CHCHD6: variants seen among roughly 807,000 people sequenced by gnomAD.
The protein encoded by CHCHD6 is MICOS complex subunit MIC25.
CHCHD6 carries 28 observed loss-of-function variants against 32.3 expected under a neutral mutation model. That is an observed-to-expected ratio of 0.87 (90% confidence interval 0.64 to 1.19). The LOEUF (loss-of-function observed/expected upper bound fraction) is 1.19. Ranked by LOEUF, CHCHD6 falls within the 50% of genes most tolerant of loss-of-function variation. The pLI, the probability that CHCHD6 is intolerant of heterozygous loss-of-function variation, is 0.00. For missense variants in CHCHD6, 333 were observed against 307.0 expected (o/e 1.08, Z -0.63); for synonymous variants, 122 against 117.5 (o/e 1.04, Z -0.25).
chr3:126,955,736 T>C (rs939034997), intron 6 of CHCHD6, among the ~76,000 whole-genome samples: 1 of 152,156 alleles, frequency 6.6e-6, no homozygotes, highest in African/African-American at 2.4e-5. Context: ...TTAGCGATGG[T>C]GTTAGGCATG....
Position 126,926,525 on chromosome 3 carries a change from G to A in CHCHD6, c.566+11775G>A, listed in dbSNP as rs533029943. ...AGCCAAGGTGAAGTGGACCAGGGCA[G>A]GCTGTGCAGCCAGGGGTCATTGTGA... On this transcript the variant is annotated intron_variant, in intron 6 of 7. Coordinates refer to ENST00000290913, the MANE Select transcript of CHCHD6 (RefSeq NM_032343.3). 8.7e-4 allele frequency among the ~76,000 whole-genome samples: 132 copies of A among 152,268 alleles called. 1 individual carries two copies. Among genetic ancestry groups the A allele is most frequent in the African/African-American group, 3.2e-3 (132 of 41,556 alleles).
At chr3:126,881,374 T>C (rs1273460184) in intron 5 of CHCHD6, among the ~76,000 whole-genome samples, 1 of 152,232 alleles carries the variant, frequency 6.6e-6, no homozygotes, top group Non-Finnish European at 1.5e-5. Context: ...GTTTCCTTTG[T>C]TTGCCTTTCC....
At chr3:126,766,666 A>C in intron 4 of CHCHD6, 3 of 1,052,772 alleles carry the variant, frequency 2.8e-6, no homozygotes, top group Non-Finnish European at 4.4e-6. Context: ...CTCGGTGGCC[A>C]CAATGATGCT....
intron 4 of CHCHD6, among the ~76,000 whole-genome samples, chr3:126,824,903 T>C (rs73203608): frequency 0.12 from 18,619 of 152,114 alleles, 1,295 homozygotes; most frequent in South Asian, 0.28. Context: ...TTCTTAATTG[T>C]ACACTTATTT....
rs980532084 is a variant in CHCHD6, at chr3:126,805,782, C to T, written c.412-46865C>T. On this transcript the variant is annotated intron_variant, in intron 4 of 7. Transcript: ENST00000290913. The stretch of plus-strand genomic sequence containing the variant: ...CAAAAGAACAAAGTTGGAGGCATCA[C>T]GCTACCTGACTTCAAACTATACTAC... 4.8e-3 allele frequency among the ~76,000 whole-genome samples: 723 copies of T among 151,272 alleles called. 1 individual carries two copies. The highest frequency in any genetic ancestry group is 6.1e-3 in the Non-Finnish European group (414 of 67,758).
At chr3:126,715,544 G>A (rs1455612269) in intron 1 of CHCHD6, among the ~76,000 whole-genome samples, 1 of 152,092 alleles carries the variant, frequency 6.6e-6, no homozygotes, top group Non-Finnish European at 1.5e-5. Flanking sequence ...TGTATGCCTG[G>A]GATTCCCTAA....
At chr3:126,783,368 G>A (rs1938044485) in intron 4 of CHCHD6, among the ~76,000 whole-genome samples, 1 of 152,242 alleles carries the variant, frequency 6.6e-6, no homozygotes, top group South Asian at 2.1e-4. Flanking sequence ...GTGAAAGACT[G>A]AAAGCTTTTT....
chr3:126,839,061 A>G (rs1366723026), intron 4 of CHCHD6, among the ~76,000 whole-genome samples: 2 of 151,328 alleles, frequency 1.3e-5, no homozygotes, highest in Non-Finnish European at 2.9e-5. Flanking sequence ...GCTAATTTTT[A>G]TTTTTAATAG....
rs569509378 is a variant in CHCHD6, at chr3:126,909,669, G to C, written c.496-5011G>C. Among the ~76,000 whole-genome samples the C allele has an allele frequency of 5.3e-5, 8 of 152,296 alleles. No homozygotes were observed. The East Asian group carries it at 1.4e-3, about 26-fold the overall frequency. ...TGCATGTGGGGCAGCTGGAGGAGGA[G>C]GAGGGGCAGCTGTCTACAGGGCAGA... On this transcript the variant is annotated intron_variant, in intron 5 of 7. Coordinates refer to ENST00000290913, the MANE Select transcript of CHCHD6 (RefSeq NM_032343.3).
intron 5 of CHCHD6, among the ~76,000 whole-genome samples, chr3:126,873,234 G>T (rs1186547685): frequency 6.6e-6 from 1 of 152,210 alleles, no homozygotes; most frequent in African/African-American, 2.4e-5. Context: ...AAGACCGCAG[G>T]CCTATTTGCT....
At chr3:126,779,182 C>A (rs1008569962) in intron 4 of CHCHD6, among the ~76,000 whole-genome samples, 3 of 152,008 alleles carry the variant, frequency 2.0e-5, no homozygotes, top group African/African-American at 7.2e-5. Context: ...TTATTGTCAC[C>A]TCTAGTAAGA....
At chr3:126,884,924 T>C (rs1363633184) in intron 5 of CHCHD6, among the ~76,000 whole-genome samples, 1 of 152,230 alleles carries the variant, frequency 6.6e-6, no homozygotes, top group Non-Finnish European at 1.5e-5. Context: ...TATCCACCAT[T>C]TGTGCCGGTG....
intron 4 of CHCHD6, among the ~76,000 whole-genome samples, chr3:126,819,752 A>G (rs1053538724): frequency 6.6e-6 from 1 of 152,270 alleles, no homozygotes; most frequent in Admixed American, 6.5e-5. Flanking sequence ...GTATGCACAC[A>G]GCGGGGATTG....
chr3:126,729,411 G>C (rs1476595083), intron 2 of CHCHD6, among the ~76,000 whole-genome samples: 2 of 152,110 alleles, frequency 1.3e-5, no homozygotes, highest in African/African-American at 4.8e-5. Context: ...ACACAGAAAG[G>C]GCAGTGAGGA....
At chr3:126,761,246 A>G (rs147839345) in intron 4 of CHCHD6, among the ~76,000 whole-genome samples, 240 of 152,338 alleles carry the variant, frequency 1.6e-3, no homozygotes, top group African/African-American at 5.4e-3. Context: ...ACCATTTTAC[A>G]TTCTTACCAG....
At chr3:126,941,325 A>G (rs2078555614) in intron 6 of CHCHD6, among the ~76,000 whole-genome samples, 1 of 152,192 alleles carries the variant, frequency 6.6e-6, no homozygotes, top group Non-Finnish European at 1.5e-5. Context: ...TCCTTCTTAC[A>G]CACTTGAGTC....
At chr3:126,885,787 A>C (rs2077671280) in intron 5 of CHCHD6, among the ~76,000 whole-genome samples, 1 of 152,224 alleles carries the variant, frequency 6.6e-6, no homozygotes, top group Non-Finnish European at 1.5e-5. Context: ...GTGAATTTGT[A>C]TGTCATCTTG....
chr3:126,742,979 G>A lies in CHCHD6; in HGVS notation c.411+9757G>A, dbSNP rs189432726. On this transcript the variant is annotated intron_variant, in intron 4 of 7. Transcript: ENST00000290913. Reference sequence around the variant, plus strand: ...CCCTGGTAGTGGGGAGAAGGACTAGGGGGAAGATGTGGGGTTGGGTGGAGA... The same window carrying A: ...CCCTGGTAGTGGGGAGAAGGACTAGAGGGAAGATGTGGGGTTGGGTGGAGA... Among the ~76,000 whole-genome samples, 26 of 152,220 alleles carry A rather than the reference G, an allele frequency of 1.7e-4. No homozygotes were observed. In the East Asian group the frequency reaches 4.8e-3, roughly 28 times the overall value.
At chr3:126,709,669 C>T (rs1221345678) in intron 1 of CHCHD6, among the ~76,000 whole-genome samples, 2 of 152,190 alleles carry the variant, frequency 1.3e-5, no homozygotes, top group Non-Finnish European at 2.9e-5. Flanking sequence ...TTGTTATTAT[C>T]TTCGATTCTA....
Sources: gnomAD v4.1 joint callset for allele counts (sites outside exome capture counted in the v4.1 genomes callset) on GRCh38, gnomAD v4.1.1 for gene constraint, MANE v1.5 for transcripts, NCBI Gene and HGNC (gene_info 2026-07-23, HGNC 2026-07-21) for gene names.